KLF16: variants seen among roughly 807,000 people sequenced by gnomAD.
KLF16 encodes the protein Krueppel-like factor 16.
Under a neutral mutation model 6.1 loss-of-function variants are expected in KLF16, and 6 were observed. That is an observed-to-expected ratio of 0.98 (90% CI 0.54 to 1.93). KLF16 has a LOEUF of 1.93. Ranked by LOEUF, KLF16 falls within the 30% of genes most tolerant of loss-of-function variation. The pLI is 0.01. For synonymous variants in KLF16, 211 were observed against 176.5 expected, an observed-to-expected ratio of 1.20 and a Z score of -1.55; for missense variants, 355 against 363.8, an observed-to-expected ratio of 0.98 and a Z score of 0.20.
At chr19:1,864,414 C>G (rs2145372035), upstream of KLF16, among the ~76,000 whole-genome samples, 1 of 151,074 alleles carries the variant, frequency 6.6e-6, no homozygotes, top group South Asian at 2.1e-4. Flanking sequence ...CACCCGGTAT[C>G]CCGCGCCCGC....
chr19:1,858,734 C>T (rs1026106093), intron 1 of KLF16, among the ~76,000 whole-genome samples: 2 of 152,102 alleles, frequency 1.3e-5, no homozygotes, highest in African/African-American at 2.4e-5. Flanking sequence ...GAGGCCCAAC[C>T]CAGGCCAGGA....
chr19:1,852,844 G>T lies in KLF16; in HGVS notation c.*1615C>A, dbSNP rs1205210241. 1 of 152,242 alleles carries T rather than the reference G, an allele frequency of 6.6e-6. No homozygotes were observed. Among genetic ancestry groups the T allele is most frequent in the Non-Finnish European group, 1.5e-5 (1 of 68,134 alleles). 9.4% of individuals were successfully genotyped at this position (152,242 alleles called of 1,614,324 possible). On this transcript the variant is annotated 3_prime_UTR_variant, in exon 2 of 2. Coordinates refer to ENST00000250916, the MANE Select transcript of KLF16 (RefSeq NM_031918.4). ...ACCCTCCGAGCCCAGCTCCAGAAGG[G>T]CGTCCCCTGCCTCCCTCCCCCCAGG...
At chr19:1,869,476 G>A in the KLF16 span, among the ~76,000 whole-genome samples, 3 of 152,130 alleles carry the variant, frequency 2.0e-5, no homozygotes, top group African/African-American at 7.2e-5. Flanking sequence ...TGAAACTCCA[G>A]CTCAATAAAA....
At chr19:1,864,932 T>C (rs989309269), upstream of KLF16, among the ~76,000 whole-genome samples, 2 of 152,122 alleles carry the variant, frequency 1.3e-5, no homozygotes, top group African/African-American at 2.4e-5. Context: ...GGAGCTGCTT[T>C]GGCCTGCGGC....
chr19:1,862,980 T>TGGCGGGGGAGGGGTCTCA, intron 1 of KLF16, 61 bp downstream of exon 1: 1 of 1,077,818 alleles, frequency 9.3e-7, no homozygotes, highest in Non-Finnish European at 1.2e-6. Context: ...TTCGGGGTCC[T>TGGCGGGGGAGGGGTCTCA]GGCGGGGGAG....
intron 1 of KLF16, among the ~76,000 whole-genome samples, chr19:1,859,285 C>A (rs2012015169): frequency 6.6e-6 from 1 of 152,060 alleles, no homozygotes; most frequent in South Asian, 2.1e-4. Flanking sequence ...CTCCTGGGGC[C>A]CTCTTCAGCA....
At chr19:1,871,485 G>A in the KLF16 span, among the ~76,000 whole-genome samples, 11 of 152,288 alleles carry the variant, frequency 7.2e-5, no homozygotes, top group East Asian at 1.9e-4. Context: ...CCACCCCCCC[G>A]GGGCTGGCGC....
the KLF16 span, among the ~76,000 whole-genome samples, chr19:1,872,768 G>C: frequency 6.6e-6 from 1 of 152,200 alleles, no homozygotes; most frequent in East Asian, 1.9e-4. Flanking sequence ...TACTTCTCTC[G>C]GTGGGGAAGC....
chr19:1,854,471 G>T lies in KLF16; in HGVS notation c.747C>A (p.Pro249=). The change falls in exon 2 of 2, where the codon CCC becomes CCA. Residue 249 remains proline (P), a synonymous_variant. Transcript: ENST00000250916. The part of the protein sequence containing the change: ...PAPSPAPSPA[P]AGL ...CTGCACGAGGGCCCTACAGGCCTGCGGGGGCTGGGCTGGGCGCGGGGCTGG... is the reference window on the plus strand; with the variant it reads ...CTGCACGAGGGCCCTACAGGCCTGCTGGGGCTGGGCTGGGCGCGGGGCTGG... 1.4e-6 allele frequency: 2 copies of T among 1,415,014 alleles called. No homozygotes were observed. The highest frequency in any genetic ancestry group is 1.8e-6 in the Non-Finnish European group (2 of 1,096,650). 87.7% of individuals were successfully genotyped at this position (1,415,014 alleles called of 1,614,324 possible).
intron 1 of KLF16, among the ~76,000 whole-genome samples, chr19:1,856,069 G>A (rs908386422): frequency 6.6e-6 from 1 of 152,202 alleles, no homozygotes; most frequent in African/African-American, 2.4e-5. Flanking sequence ...GGCAGCCCAC[G>A]CCCAGCACTG....
At chr19:1,868,541 C>T (rs1362011669), upstream of KLF16, among the ~76,000 whole-genome samples, 4 of 141,826 alleles carry the variant, frequency 2.8e-5, no homozygotes, top group Non-Finnish European at 3.0e-5. Flanking sequence ...TGCAGTGACA[C>T]GATCTCGGCT....
At chr19:1,855,512 G>A (rs2011932054) in intron 1 of KLF16, among the ~76,000 whole-genome samples, 1 of 152,144 alleles carries the variant, frequency 6.6e-6, no homozygotes, top group Non-Finnish European at 1.5e-5. Flanking sequence ...GCAGGGGCGG[G>A]CCACCACCCG....
At chr19:1,868,547 C>T (rs1029744535), upstream of KLF16, among the ~76,000 whole-genome samples, 28 of 141,518 alleles carry the variant, frequency 2.0e-4, no homozygotes, top group Non-Finnish European at 3.0e-4. Flanking sequence ...GACACGATCT[C>T]GGCTCACTGC....
At position 1,863,556 on chromosome 19, in the gene KLF16, C is replaced by G. The variant is rs1328718761; in HGVS notation, c.-59G>C. The stretch of plus-strand genomic sequence containing the variant: ...CGGAGGCGGCGGGAGCGGCGTCCGT[C>G]CGGCCGGCGGCGGCTGCTCGAGTGC... On this transcript the variant is annotated 5_prime_UTR_variant, in exon 1 of 2. Transcript: ENST00000250916. 3 of 864,652 alleles carry G rather than the reference C, an allele frequency of 3.5e-6. No individual in the cohort carries two copies. Among genetic ancestry groups the G allele is most frequent in the Admixed American group, 6.4e-5 (1 of 15,608 alleles). The allele number at this position is 864,652 out of a possible 1,614,324, so 53.6% of individuals were successfully genotyped here. A position where few individuals can be genotyped will look rare whatever the true frequency, so the allele number is the denominator to read the frequency against.
intron 1 of KLF16, 103 bp from the exon 2 acceptor site, chr19:1,854,863 C>G: frequency 7.9e-7 from 1 of 1,259,242 alleles, no homozygotes; most frequent in Non-Finnish European, 1.1e-6. Context: ...TGTCCCGTGC[C>G]GTTTTAGAGG....
chr19:1,856,951 G>C lies in KLF16; in HGVS notation c.458-2191C>G, dbSNP rs1450190602. 2.8e-5 allele frequency among the ~76,000 whole-genome samples: 3 copies of C among 106,630 alleles called. 1 individual carries two copies. The allele number at this position is 106,630 out of a possible 152,430, so 70.0% of individuals were successfully genotyped here. A position where few individuals can be genotyped will look rare whatever the true frequency, so the allele number is the denominator to read the frequency against. ...ACTTTGCAAGGAGGAGCAGGTTGCC[G>C]GGGTGGGGGGGGCGACCGGGGCAGG... On this transcript the variant is annotated intron_variant, in intron 1 of 1. Transcript: ENST00000250916.
chr19:1,863,154 GCGCGGCCCGAGGA>G lies in KLF16; in HGVS notation c.331_343del (p.Ser111ProfsTer30). 7.7e-7 allele frequency: 1 copy of G among 1,305,444 alleles called. No individual in the cohort carries two copies. Among genetic ancestry groups the G allele is most frequent in the Non-Finnish European group, 9.9e-7 (1 of 1,009,170 alleles). The allele number at this position is 1,305,444 out of a possible 1,614,324, so 80.9% of individuals were successfully genotyped here. A position where few individuals can be genotyped will look rare whatever the true frequency, so the allele number is the denominator to read the frequency against. On this transcript the variant is annotated frameshift_variant, in exon 1 of 2. Coordinates refer to ENST00000250916, the MANE Select transcript of KLF16 (RefSeq NM_031918.4). LOFTEE classifies it high-confidence loss of function. Reference sequence around the variant, plus strand: ...GGCGGCGGAGGGCGCGGCGCCGGGGGCGCGGCCCGAGGACGGGGACGAGGCGGCTGAGGAGGAG... The same window carrying G: ...GGCGGCGGAGGGCGCGGCGCCGGGGGCGGGGACGAGGCGGCTGAGGAGGAG...
At chr19:1,863,856 C>A (rs369147604), upstream of KLF16, among the ~76,000 whole-genome samples, 3 of 146,962 alleles carry the variant, frequency 2.0e-5, no homozygotes, top group Admixed American at 2.0e-4. Flanking sequence ...CCTCCGCCAG[C>A]GCCTAGCGTC....
upstream of KLF16, among the ~76,000 whole-genome samples, chr19:1,868,554 C>T (rs2012225177): frequency 6.9e-6 from 1 of 144,594 alleles, no homozygotes; most frequent in African/African-American, 2.6e-5. Flanking sequence ...TCTCGGCTCA[C>T]TGCAGCCTCT....
Sources: allele counts gnomAD v4.1 joint callset (sites outside exome capture counted in the v4.1 genomes callset), GRCh38; gene constraint gnomAD v4.1.1; transcripts MANE v1.5; gene names NCBI Gene and HGNC (gene_info 2026-07-23, HGNC 2026-07-21).